The following FHIT variants were observed in gnomAD, a reference collection of about 807,000 sequenced individuals.
The protein encoded by FHIT is fragile histidine triad diadenosine triphosphatase.
FHIT carries 19 observed loss-of-function variants against 17.9 expected under a neutral mutation model. The observed-to-expected ratio is 1.06, with a 90% confidence interval of 0.74 to 1.56. FHIT has a LOEUF of 1.56. Among genes scored for constraint, FHIT ranks in the 40% most tolerant of loss-of-function variants. The probability of loss-of-function intolerance (pLI) is 0.00; values close to 1 mark genes in which losing one functional copy is unlikely to be tolerated. For synonymous variants in FHIT, 81 were observed against 69.7 expected, an observed-to-expected ratio of 1.16 and a Z score of -0.81; for missense variants, 248 against 189.2, an observed-to-expected ratio of 1.31 and a Z score of -1.82.
At chr3:60,260,699 T>A (rs528104750) in intron 5 of FHIT, among the ~76,000 whole-genome samples, 10 of 152,172 alleles carry the variant, frequency 6.6e-5, no homozygotes, top group Non-Finnish European at 1.0e-4. Flanking sequence ...TGGGCTGTAT[T>A]TCCAGGAGGT....
chr3:60,523,614 T>C (rs961123996), intron 5 of FHIT, among the ~76,000 whole-genome samples: 1 of 152,178 alleles, frequency 6.6e-6, no homozygotes, highest in African/African-American at 2.4e-5. Context: ...ACAGAGCTGC[T>C]CCAGACTTCC....
At chr3:60,020,765 T>C (rs1373330476) in intron 5 of FHIT, among the ~76,000 whole-genome samples, 3 of 152,222 alleles carry the variant, frequency 2.0e-5, no homozygotes, top group Non-Finnish European at 2.9e-5. Context: ...GGATGGACTG[T>C]CAGCTACTTT....
intron 4 of FHIT, among the ~76,000 whole-genome samples, chr3:60,748,918 A>G (rs1218955206): frequency 1.3e-5 from 2 of 152,252 alleles, no homozygotes; most frequent in Non-Finnish European, 2.9e-5. Flanking sequence ...GACAAGAGAA[A>G]AAAGTCTATA....
chr3:60,534,646 C>T (rs1024882180), intron 5 of FHIT, among the ~76,000 whole-genome samples: 1 of 152,100 alleles, frequency 6.6e-6, no homozygotes, highest in African/African-American at 2.4e-5. Flanking sequence ...CTCTGGTTCT[C>T]ATTGTTCTTA....
chr3:60,452,637 C>T (rs1362281948), intron 5 of FHIT, among the ~76,000 whole-genome samples: 2 of 152,222 alleles, frequency 1.3e-5, no homozygotes, highest in South Asian at 2.1e-4. Flanking sequence ...TTGAAAAGTG[C>T]CTTCTCTCAA....
intron 2 of FHIT, among the ~76,000 whole-genome samples, chr3:61,136,540 G>C (rs1400158201): frequency 6.6e-6 from 1 of 152,178 alleles, no homozygotes; most frequent in Non-Finnish European, 1.5e-5. Context: ...TTGGAGGTAG[G>C]AGGACAGTGA....
chr3:61,038,226 T>C (rs1397056787), intron 3 of FHIT, among the ~76,000 whole-genome samples: 2 of 152,222 alleles, frequency 1.3e-5, no homozygotes, highest in Non-Finnish European at 2.9e-5. Context: ...GGATGCTTCC[T>C]AATAAACGTA....
chr3:60,312,314 A>T (rs1365971937), intron 5 of FHIT, among the ~76,000 whole-genome samples: 1 of 151,848 alleles, frequency 6.6e-6, no homozygotes, highest in Non-Finnish European at 1.5e-5. Context: ...TTTTTTTAAA[A>T]ATTTTTTTGT....
intron 8 of FHIT, among the ~76,000 whole-genome samples, chr3:59,833,722 G>A (rs768803183): frequency 6.6e-6 from 1 of 152,148 alleles, no homozygotes; most frequent in Non-Finnish European, 1.5e-5. Context: ...ACAGGGTTTG[G>A]CTCTGTGTCC....
intron 4 of FHIT, among the ~76,000 whole-genome samples, chr3:60,806,221 A>T (rs1450208933): frequency 6.6e-6 from 1 of 152,194 alleles, no homozygotes; most frequent in Non-Finnish European, 1.5e-5. Context: ...CTTCTCTCTT[A>T]GAGGCAGGAA....
intron 3 of FHIT, among the ~76,000 whole-genome samples, chr3:60,929,468 A>G (rs12488246): frequency 0.6 from 91,400 of 151,944 alleles, 27,824 homozygotes; most frequent in East Asian, 0.73. Flanking sequence ...AAACCCCATC[A>G]TCTCAGCCCA....
At chr3:59,750,866 T>TAAGTGGTTGATACAATTTTTTC (rs2106721018) in intron 9 of FHIT, 1 of 202,368 alleles carries the variant, frequency 4.9e-6, no homozygotes, top group East Asian at 7.7e-5. Context: ...TCATGATCAC[T>TAAGTGGTTGATACAATTTTTTC]AAGTGGTTGA....
intron 5 of FHIT, among the ~76,000 whole-genome samples, chr3:60,499,902 T>C (rs1201474435): frequency 2.0e-5 from 3 of 152,162 alleles, no homozygotes; most frequent in Non-Finnish European, 4.4e-5. Flanking sequence ...TTTATTTTAT[T>C]CAGAATAGAA....
chr3:59,848,993 T>C (rs762215192), intron 8 of FHIT, among the ~76,000 whole-genome samples: 5 of 152,210 alleles, frequency 3.3e-5, no homozygotes, highest in Non-Finnish European at 7.3e-5. Flanking sequence ...GCAAATTCCA[T>C]TTAGGACAGT....
chr3:60,989,610 C>T (rs1344316097), intron 3 of FHIT, among the ~76,000 whole-genome samples: 1 of 152,170 alleles, frequency 6.6e-6, no homozygotes, highest in Non-Finnish European at 1.5e-5. Flanking sequence ...GAAGTTCACA[C>T]AGCAAGTCAG....
intron 5 of FHIT, among the ~76,000 whole-genome samples, chr3:60,212,237 A>C (rs535512268): frequency 1.2e-4 from 18 of 152,300 alleles, no homozygotes; most frequent in Admixed American, 3.9e-4. Context: ...AGCCTGTTTA[A>C]AACAAGGACT....
At chr3:60,703,432 T>C (rs1332666789) in intron 4 of FHIT, among the ~76,000 whole-genome samples, 1 of 152,262 alleles carries the variant, frequency 6.6e-6, no homozygotes, top group Admixed American at 6.5e-5. Context: ...ATATGTTGTA[T>C]AATCAAATCA....
At chr3:60,371,552 T>C (rs1362004021) in intron 5 of FHIT, among the ~76,000 whole-genome samples, 1 of 152,126 alleles carries the variant, frequency 6.6e-6, no homozygotes, top group Non-Finnish European at 1.5e-5. Flanking sequence ...ACTAAAAATA[T>C]TTACAGGTTA....
intron 8 of FHIT, among the ~76,000 whole-genome samples, chr3:59,754,122 T>G (rs992422008): frequency 8.5e-5 from 13 of 152,228 alleles, no homozygotes; most frequent in South Asian, 2.1e-4. Context: ...ATTTCCCCAT[T>G]TATTGCAGCT....
Sources: gnomAD v4.1 joint callset for allele counts (sites outside exome capture counted in the v4.1 genomes callset) on GRCh38, gnomAD v4.1.1 for gene constraint, MANE v1.5 for transcripts, NCBI Gene and HGNC (gene_info 2026-07-23, HGNC 2026-07-21) for gene names.